Variants in SIAH3 observed in about 807,000 individuals in gnomAD.
SIAH3 encodes the protein siah E3 ubiquitin protein ligase family member 3.
SIAH3 carries 9 observed loss-of-function variants against 12.6 expected under a neutral mutation model. The observed-to-expected ratio is 0.72, with a 90% CI of 0.43 to 1.25. The LOEUF is 1.25. Ranked by LOEUF, SIAH3 falls within the 50% of genes most tolerant of loss-of-function variation. The pLI is 0.00. For synonymous variants in SIAH3, 154 were observed against 151.1 expected, an observed-to-expected ratio of 1.02 and a Z score of -0.14; for missense variants, 390 against 365.4, an observed-to-expected ratio of 1.07 and a Z score of -0.55.
At chr13:45,803,798 G>T (rs923503245) in intron 1 of SIAH3, among the ~76,000 whole-genome samples, 1 of 152,200 alleles carries the variant, frequency 6.6e-6, no homozygotes, top group South Asian at 2.1e-4. Context: ...TATCAAGACT[G>T]CTAAGGAGTT....
rs762595371 is a variant in SIAH3 at position 45,779,144 on chromosome 13, A to G, written c.*4239T>C. The G allele has an allele frequency of 6.6e-6, 1 of 152,256 alleles. No individual in the cohort carries two copies. The highest frequency in any genetic ancestry group is 1.5e-5 in the Non-Finnish European group (1 of 68,046). 9.4% of individuals were successfully genotyped at this position (152,256 alleles called of 1,614,324 possible). Reference sequence around the variant, plus strand: ...GATGCGGTGCAGCACATTATTATATAGTATGTTCATCATACAGATGTGATA... The same window carrying G: ...GATGCGGTGCAGCACATTATTATATGGTATGTTCATCATACAGATGTGATA... On this transcript the variant is annotated 3_prime_UTR_variant, in exon 2 of 2. Transcript: ENST00000400405.
intron 1 of SIAH3, among the ~76,000 whole-genome samples, chr13:45,792,932 G>A (rs561634109): frequency 3.9e-4 from 59 of 152,180 alleles, no homozygotes; most frequent in African/African-American, 1.3e-3. Context: ...TCTTCAAGGC[G>A]ACTTTTTGTG....
chr13:45,785,634 G>A (rs1036788011), intron 1 of SIAH3, among the ~76,000 whole-genome samples: 1 of 152,228 alleles, frequency 6.6e-6, no homozygotes, highest in Non-Finnish European at 1.5e-5. Context: ...ATTGTCACCC[G>A]AGTGATGGAG....
intron 1 of SIAH3, among the ~76,000 whole-genome samples, chr13:45,822,556 T>TATATATATATATATATATA (rs58735572): frequency 1.2e-3 from 171 of 136,956 alleles, no homozygotes; most frequent in Non-Finnish European, 1.8e-3. Flanking sequence ...TATATATATA[T>TATATATATATATATATATA]TAGACTAGGG....
intron 1 of SIAH3, among the ~76,000 whole-genome samples, chr13:45,816,203 G>A (rs549446893): frequency 2.0e-5 from 3 of 152,340 alleles, no homozygotes; most frequent in Non-Finnish European, 4.4e-5. Flanking sequence ...CCTTGCTGAT[G>A]TATCTGTTTT....
intron 1 of SIAH3, among the ~76,000 whole-genome samples, chr13:45,784,799 G>A (rs965637608): frequency 6.6e-6 from 1 of 152,252 alleles, no homozygotes; most frequent in East Asian, 1.9e-4. Flanking sequence ...TCATGGTGGC[G>A]TGCCCACAAG....
rs1203942497 is a variant in SIAH3, at chr13:45,779,265, TA to T, written c.*4117del. ...GTACTTTTGACCTTTGCTTTAAATA[TA>T]ATTTATTTAATTGTAAATGTATATC... On this transcript the variant is annotated 3_prime_UTR_variant, in exon 2 of 2. Coordinates refer to ENST00000400405, the MANE Select transcript of SIAH3 (RefSeq NM_198849.3). The T allele has an allele frequency of 6.6e-6, 1 of 152,238 alleles. No homozygotes were observed. The highest frequency in any genetic ancestry group is 1.5e-5 in the Non-Finnish European group (1 of 68,044). The allele number at this position is 152,238 out of a possible 1,614,324, so 9.4% of individuals were successfully genotyped here.
intron 1 of SIAH3, among the ~76,000 whole-genome samples, chr13:45,848,475 CA>C (rs1006252347): frequency 6.6e-6 from 1 of 152,182 alleles, no homozygotes; most frequent in African/African-American, 2.4e-5. Context: ...CTCTGCCTTC[CA>C]TTTAGAAGGA....
chr13:45,784,060 G>A lies in SIAH3; in HGVS notation c.136-3C>T. On this transcript the variant is annotated splice_polypyrimidine_tract_variant and splice_region_variant and intron_variant, in intron 1 of 1. Transcript: ENST00000400405. ...ACGGCGCGCCGACTGGACACATACT[G>A]TAAGGAAAGAGAAGAACGTCAGTGC... 2 of 1,568,862 alleles carry A rather than the reference G, an allele frequency of 1.3e-6. No individual in the cohort carries two copies. Among genetic ancestry groups the A allele is most frequent in the Non-Finnish European group, 1.7e-6 (2 of 1,158,098 alleles).
intron 1 of SIAH3, among the ~76,000 whole-genome samples, chr13:45,812,153 C>T (rs892954880): frequency 6.6e-6 from 1 of 152,208 alleles, no homozygotes; most frequent in Non-Finnish European, 1.5e-5. Flanking sequence ...CAGGTGATGC[C>T]CACGCTGCCT....
At chr13:45,805,261 G>A (rs930785224) in intron 1 of SIAH3, among the ~76,000 whole-genome samples, 9 of 151,872 alleles carry the variant, frequency 5.9e-5, no homozygotes, top group Admixed American at 2.0e-4. Context: ...AAAAGAGTGC[G>A]AATAGCCAAA....
At chr13:45,795,467 C>T (rs576255104) in intron 1 of SIAH3, among the ~76,000 whole-genome samples, 2 of 152,282 alleles carry the variant, frequency 1.3e-5, no homozygotes, top group Non-Finnish European at 2.9e-5. Flanking sequence ...ATAACAAATG[C>T]CTCCGTATAG....
chr13:45,795,842 A>G (rs1478849762), intron 1 of SIAH3, among the ~76,000 whole-genome samples: 1 of 152,226 alleles, frequency 6.6e-6, no homozygotes, highest in African/African-American at 2.4e-5. Context: ...ATGTTCTTCT[A>G]ATGAGTAAAT....
At chr13:45,822,448 A>G (rs1038866037) in intron 1 of SIAH3, among the ~76,000 whole-genome samples, 2 of 148,918 alleles carry the variant, frequency 1.3e-5, no homozygotes, top group African/African-American at 4.9e-5. Context: ...TTTCTGATCT[A>G]AGCTTCAGTT....
At chr13:45,792,017 A>G (rs1950547173) in intron 1 of SIAH3, among the ~76,000 whole-genome samples, 1 of 152,194 alleles carries the variant, frequency 6.6e-6, no homozygotes, top group East Asian at 1.9e-4. Context: ...ATGAGGAGCT[A>G]AAGGGTTGTA....
intron 1 of SIAH3, among the ~76,000 whole-genome samples, chr13:45,788,642 G>A (rs1950535557): frequency 6.6e-6 from 1 of 152,138 alleles, no homozygotes; most frequent in South Asian, 2.1e-4. Context: ...GGTTGGTAAT[G>A]GCCCTCCAAA....
intron 1 of SIAH3, among the ~76,000 whole-genome samples, chr13:45,791,315 A>G (rs1950545020): frequency 6.6e-6 from 1 of 152,204 alleles, no homozygotes; most frequent in South Asian, 2.1e-4. Flanking sequence ...CTCTCAATAA[A>G]TGTTGGGTTA....
At chr13:45,832,397 T>A (rs183420129) in intron 1 of SIAH3, among the ~76,000 whole-genome samples, 2 of 152,322 alleles carry the variant, frequency 1.3e-5, no homozygotes, top group African/African-American at 4.8e-5. Flanking sequence ...ACTTTCTGTC[T>A]CTATGGACTT....
At chr13:45,797,128 C>A (rs751632259) in intron 1 of SIAH3, among the ~76,000 whole-genome samples, 3 of 145,390 alleles carry the variant, frequency 2.1e-5, no homozygotes, top group Non-Finnish European at 4.5e-5. Flanking sequence ...CAACGCAATT[C>A]AAATCGTCTC....
Sources: gnomAD v4.1 joint callset for allele counts (sites outside exome capture counted in the v4.1 genomes callset) on GRCh38, gnomAD v4.1.1 for gene constraint, MANE v1.5 for transcripts, NCBI Gene and HGNC (gene_info 2026-07-23, HGNC 2026-07-21) for gene names.